The following GRID2 variants were observed in gnomAD, a reference collection of about 807,000 sequenced individuals.
GRID2 encodes glutamate ionotropic receptor delta type subunit 2, also known as glutamate receptor ionotropic, delta-2.
GRID2 carries 33 observed loss-of-function variants against 114.8 expected under a neutral mutation model. The ratio of observed to expected loss-of-function variants is 0.29; its 90% CI spans 0.22 to 0.38. GRID2 has a LOEUF of 0.38. GRID2 is among the 10% of genes least tolerant of loss of function. The pLI is 1.00. For missense variants in GRID2, 1,184 were observed against 1,257.7 expected, an observed-to-expected ratio of 0.94 and a Z score of 0.89; for synonymous variants, 505 against 449.9, an observed-to-expected ratio of 1.12 and a Z score of -1.55.
intron 2 of GRID2, among the ~76,000 whole-genome samples, chr4:92,714,417 T>C (rs1290344377): frequency 6.6e-6 from 1 of 152,054 alleles, no homozygotes; most frequent in African/African-American, 2.4e-5. Flanking sequence ...CTGTCAGTGG[T>C]CTACCATTCT....
At chr4:93,678,192 A>T in intron 14 of GRID2, among the ~76,000 whole-genome samples, 1 of 152,188 alleles carries the variant, frequency 6.6e-6, no homozygotes, top group Non-Finnish European at 1.5e-5. Context: ...GGAAGATGAA[A>T]TGAATGAAAT....
chr4:92,988,591 C>A (rs1754651945), intron 2 of GRID2, among the ~76,000 whole-genome samples: 1 of 151,976 alleles, frequency 6.6e-6, no homozygotes, highest in African/African-American at 2.4e-5. Context: ...GGGGACAATC[C>A]TACAGGCTGC....
intron 13 of GRID2, among the ~76,000 whole-genome samples, chr4:93,548,269 T>C (rs1733420964): frequency 6.6e-6 from 1 of 152,172 alleles, no homozygotes; most frequent in African/African-American, 2.4e-5. Flanking sequence ...GCATAAACTC[T>C]TTGAAGAAAA....
chr4:93,205,697 G>A (rs1203652877), intron 4 of GRID2, among the ~76,000 whole-genome samples: 3 of 151,964 alleles, frequency 2.0e-5, no homozygotes, highest in African/African-American at 2.4e-5. Context: ...TGGGTCAAAT[G>A]GTATTTCTAG....
intron 4 of GRID2, among the ~76,000 whole-genome samples, chr4:93,114,722 G>A (rs1288680192): frequency 6.6e-6 from 1 of 152,076 alleles, no homozygotes; most frequent in Non-Finnish European, 1.5e-5. Flanking sequence ...CTTTTGAGTA[G>A]GGAATAGGCT....
At chr4:93,241,042 T>C (rs1041002765) in intron 8 of GRID2, among the ~76,000 whole-genome samples, 2 of 151,652 alleles carry the variant, frequency 1.3e-5, no homozygotes, top group African/African-American at 2.4e-5. Flanking sequence ...CTCTCAACAT[T>C]TAAGGTACAT....
chr4:93,404,346 G>T (rs975150472), intron 9 of GRID2, among the ~76,000 whole-genome samples: 1 of 152,044 alleles, frequency 6.6e-6, no homozygotes, highest in African/African-American at 2.4e-5. Flanking sequence ...ATATACTAAA[G>T]CTATTGGATT....
chr4:93,126,890 C>G (rs1734330466), intron 4 of GRID2, among the ~76,000 whole-genome samples: 1 of 152,148 alleles, frequency 6.6e-6, no homozygotes, highest in Non-Finnish European at 1.5e-5. Context: ...AGCCAGATAA[C>G]TATTTAATTC....
At chr4:93,402,102 A>G (rs1282251557) in intron 9 of GRID2, among the ~76,000 whole-genome samples, 1 of 152,098 alleles carries the variant, frequency 6.6e-6, no homozygotes, top group Non-Finnish European at 1.5e-5. Context: ...TAAATAATAT[A>G]TAATTCATTT....
At chr4:92,993,855 A>C (rs927111184) in intron 2 of GRID2, among the ~76,000 whole-genome samples, 11 of 152,220 alleles carry the variant, frequency 7.2e-5, no homozygotes, top group African/African-American at 2.7e-4. Flanking sequence ...GTGTGGCTAT[A>C]ATTTAAATAT....
chr4:92,308,758 C>T lies in GRID2; in HGVS notation c.88+4014C>T, dbSNP rs554595719. On this transcript the variant is annotated intron_variant, in intron 1 of 15. Transcript: ENST00000282020. ...TTTACCATTTTTTTTTTTCAGTTGA[C>T]TACATGATTTGCATTGGTTAATGAT... Among the ~76,000 whole-genome samples the T allele has an allele frequency of 6.6e-5, 10 of 151,256 alleles. 1 individual carries two copies. In the South Asian group the frequency reaches 2.1e-3, roughly 32 times the overall value.
intron 11 of GRID2, among the ~76,000 whole-genome samples, chr4:93,457,133 A>G (rs1297989060): frequency 2.6e-5 from 4 of 152,156 alleles, no homozygotes; most frequent in Non-Finnish European, 4.4e-5. Context: ...TGAGACACAA[A>G]CATGTAAACA....
At chr4:92,926,791 T>C (rs1578496375) in intron 2 of GRID2, among the ~76,000 whole-genome samples, 1 of 151,844 alleles carries the variant, frequency 6.6e-6, no homozygotes, top group Non-Finnish European at 1.5e-5. Flanking sequence ...GGTGAGGGTG[T>C]TCTTGCAGCA....
chr4:93,076,302 G>A (rs1729291141), intron 2 of GRID2, among the ~76,000 whole-genome samples: 1 of 152,130 alleles, frequency 6.6e-6, no homozygotes, highest in South Asian at 2.1e-4. Context: ...AGGAACTAGA[G>A]ATGAGCATGA....
intron 2 of GRID2, among the ~76,000 whole-genome samples, chr4:92,908,722 T>A (rs1317732863): frequency 6.6e-6 from 1 of 152,176 alleles, no homozygotes; most frequent in Non-Finnish European, 1.5e-5. Flanking sequence ...ATATAAAAAA[T>A]TCTAATTTAT....
At chr4:92,820,124 C>G (rs899877831) in intron 2 of GRID2, among the ~76,000 whole-genome samples, 5 of 152,076 alleles carry the variant, frequency 3.3e-5, no homozygotes, top group Admixed American at 6.6e-5. Flanking sequence ...TTTGGTTCTG[C>G]CCACAGCCCT....
rs1252247992 is a variant in GRID2, at chr4:93,065,272, T to A, written c.245-19723T>A. Reference sequence around the variant, plus strand: ...TTTAAAAGTTATCTCATTTAAATTCTGATTAAAAAACCAGACTGTCATTGT... The same window carrying A: ...TTTAAAAGTTATCTCATTTAAATTCAGATTAAAAAACCAGACTGTCATTGT... On this transcript the variant is annotated intron_variant, in intron 2 of 15. Transcript: ENST00000282020. Among the ~76,000 whole-genome samples, 9 of 151,920 alleles carry A rather than the reference T, an allele frequency of 5.9e-5. 1 individual carries two copies. Among genetic ancestry groups the A allele is most frequent in the Admixed American group, 5.9e-4 (9 of 15,204 alleles).
intron 2 of GRID2, among the ~76,000 whole-genome samples, chr4:92,894,329 T>C (rs1047563242): frequency 6.6e-6 from 1 of 152,166 alleles, no homozygotes; most frequent in African/African-American, 2.4e-5. Flanking sequence ...GAATATGATA[T>C]TTTTAAGGTT....
intron 8 of GRID2, among the ~76,000 whole-genome samples, chr4:93,307,221 A>AT (rs1052830260): frequency 2.0e-5 from 3 of 151,906 alleles, no homozygotes; most frequent in Non-Finnish European, 2.9e-5. Flanking sequence ...AAAATAAAAA[A>AT]AAAAAAAATA....
Sources: allele counts gnomAD v4.1 joint callset (sites outside exome capture counted in the v4.1 genomes callset), GRCh38; gene constraint gnomAD v4.1.1; transcripts MANE v1.5; gene names NCBI Gene and HGNC (gene_info 2026-07-23, HGNC 2026-07-21).